The following PTPRT variants were observed in gnomAD, a reference collection of about 807,000 sequenced individuals.
PTPRT encodes the protein receptor-type tyrosine-protein phosphatase T.
Under a neutral mutation model 176.8 loss-of-function variants are expected in PTPRT, and 56 were observed. The observed-to-expected ratio is 0.32, with a 90% CI of 0.26 to 0.40. The LOEUF (loss-of-function observed/expected upper bound fraction) is 0.40. Ranked by LOEUF, PTPRT falls within the 10% of genes least tolerant of loss-of-function variation. PTPRT has a pLI of 1.00. For synonymous variants in PTPRT, 783 were observed against 739.0 expected (o/e 1.06, Z -0.96); for missense variants, 1,540 against 1,908.2 (o/e 0.81, Z 3.60).
At chr20:43,156,301 G>A (rs533132724) in intron 1 of PTPRT, among the ~76,000 whole-genome samples, 2 of 152,272 alleles carry the variant, frequency 1.3e-5, no homozygotes, top group African/African-American at 2.4e-5. Context: ...GCATCAGAGG[G>A]GCCTTAGCAA....
chr20:43,008,158 C>T (rs955509087), intron 1 of PTPRT, among the ~76,000 whole-genome samples: 8 of 152,084 alleles, frequency 5.3e-5, no homozygotes, highest in East Asian at 1.9e-4. Context: ...TCTAACCCCA[C>T]GAGGTAAGAG....
chr20:42,207,071 A>T (rs1228481620), intron 15 of PTPRT, among the ~76,000 whole-genome samples: 1 of 152,158 alleles, frequency 6.6e-6, no homozygotes, highest in Non-Finnish European at 1.5e-5. Flanking sequence ...ACAGACCTGC[A>T]GCTGAGGGTC....
At chr20:43,020,126 A>G (rs1287994303) in intron 1 of PTPRT, among the ~76,000 whole-genome samples, 1 of 132,448 alleles carries the variant, frequency 7.6e-6, no homozygotes, top group Non-Finnish European at 1.5e-5. Context: ...ATATATATAT[A>G]TACATATGCA....
At chr20:42,578,304 T>C (rs1040783855) in intron 7 of PTPRT, among the ~76,000 whole-genome samples, 19 of 152,070 alleles carry the variant, frequency 1.2e-4, no homozygotes, top group African/African-American at 4.6e-4. Context: ...CAGTGCAGGG[T>C]AAATGGAGAA....
At chr20:42,490,677 T>G (rs2071547095) in intron 7 of PTPRT, among the ~76,000 whole-genome samples, 1 of 152,092 alleles carries the variant, frequency 6.6e-6, no homozygotes, top group African/African-American at 2.4e-5. Context: ...TCCTCATACA[T>G]CTTATTTCTT....
At chr20:42,353,448 G>T (rs1480308868) in intron 9 of PTPRT, among the ~76,000 whole-genome samples, 1 of 152,156 alleles carries the variant, frequency 6.6e-6, no homozygotes, top group Non-Finnish European at 1.5e-5. Context: ...TTTGTCTATG[G>T]TATATGAAGA....
At chr20:43,073,482 C>A (rs971416977) in intron 1 of PTPRT, among the ~76,000 whole-genome samples, 1 of 150,160 alleles carries the variant, frequency 6.7e-6, no homozygotes, top group African/African-American at 2.4e-5. Context: ...TATATATATA[C>A]ACACACACAC....
rs369292140 is a variant in PTPRT, at chr20:42,242,835, T to G, written c.2312+5852A>C. Among the ~76,000 whole-genome samples, 22 of 152,198 alleles carry G rather than the reference T, an allele frequency of 1.4e-4. No homozygotes were observed. In the South Asian group the frequency reaches 4.6e-3, roughly 32 times the overall value. On this transcript the variant is annotated intron_variant, in intron 14 of 30. Transcript: ENST00000373187. ...ACTTCCACCTCATGAACCATGGCTA[T>G]GGAGAAGAAGCCATTGAAGGGTTTC...
At chr20:42,712,045 T>G (rs552772153) in intron 6 of PTPRT, among the ~76,000 whole-genome samples, 3 of 152,220 alleles carry the variant, frequency 2.0e-5, no homozygotes, top group Admixed American at 6.5e-5. Context: ...AGAATCCCAC[T>G]TTAAAATGAG....
intron 5 of PTPRT, among the ~76,000 whole-genome samples, chr20:42,767,669 A>G (rs771092271): frequency 1.0e-4 from 15 of 147,390 alleles, no homozygotes; most frequent in Non-Finnish European, 1.9e-4. Context: ...ATACTTACAT[A>G]TAAATATTTT....
Position 42,135,333 on chromosome 20 carries a change from C to T in PTPRT, c.2771-6503G>A, listed in dbSNP as rs141526869. Among the ~76,000 whole-genome samples the T allele has an allele frequency of 2.4e-3, 367 of 152,354 alleles. 3 individuals are homozygous for T. The highest frequency in any genetic ancestry group is 8.5e-3 in the African/African-American group (354 of 41,578). ...CCTGGTATGTTGTAAGAAATTAACA[C>T]AACTATATAAATTCAGTTTTGTTTT... On this transcript the variant is annotated intron_variant, in intron 18 of 30. Transcript: ENST00000373187.
At chr20:42,423,201 A>AG in intron 9 of PTPRT, among the ~76,000 whole-genome samples, 1 of 147,194 alleles carries the variant, frequency 6.8e-6, no homozygotes, top group African/African-American at 2.5e-5. Context: ...AAAAAAAAAA[A>AG]GGAAGAGAAA....
chr20:43,023,001 T>C (rs184705099), intron 1 of PTPRT, among the ~76,000 whole-genome samples: 1 of 152,206 alleles, frequency 6.6e-6, no homozygotes, highest in Non-Finnish European at 1.5e-5. Context: ...AAGGCCCTCA[T>C]AGCAAGGGCA....
chr20:42,546,730 G>C (rs939848089), intron 7 of PTPRT, among the ~76,000 whole-genome samples: 6 of 152,056 alleles, frequency 3.9e-5, no homozygotes, highest in African/African-American at 1.4e-4. Flanking sequence ...TAATTAATTG[G>C]CCTAATTTCA....
rs877431 is a variant in PTPRT at position 42,077,655 on chromosome 20, T to C, written c.*3224A>G. The C allele has an allele frequency of 0.25, 54,808 of 218,748 alleles. 7,747 individuals carry two copies. The highest frequency in any genetic ancestry group is 0.31 in the Non-Finnish European group (33,920 of 108,880). 13.6% of individuals were successfully genotyped at this position (218,748 alleles called of 1,614,324 possible). A position where few individuals can be genotyped will look rare whatever the true frequency, so the allele number is the denominator to read the frequency against. On this transcript the variant is annotated 3_prime_UTR_variant, in exon 31 of 31. Transcript: ENST00000373187. The stretch of plus-strand genomic sequence containing the variant: ...CTTGTCCCATGGGATCTTAGGGAAG[T>C]CATCCCCATCCATAAGCCTCAATTT...
intron 17 of PTPRT, among the ~76,000 whole-genome samples, chr20:42,160,119 G>A (rs1032359864): frequency 2.0e-5 from 3 of 151,752 alleles, no homozygotes; most frequent in African/African-American, 7.3e-5. Flanking sequence ...CATAGCTGGG[G>A]CACACGCTGC....
At chr20:42,656,320 T>C (rs1183271031) in intron 7 of PTPRT, among the ~76,000 whole-genome samples, 2 of 152,020 alleles carry the variant, frequency 1.3e-5, no homozygotes, top group East Asian at 1.9e-4. Flanking sequence ...AAAGGAAAGA[T>C]AAGAGCCTGC....
chr20:42,630,702 A>C (rs151260960), intron 7 of PTPRT, among the ~76,000 whole-genome samples: 1 of 152,308 alleles, frequency 6.6e-6, no homozygotes, highest in East Asian at 1.9e-4. Context: ...ATACACAGGG[A>C]AAGAAACAGA....
At chr20:42,737,357 A>G (rs1387967938) in intron 6 of PTPRT, among the ~76,000 whole-genome samples, 2 of 152,196 alleles carry the variant, frequency 1.3e-5, no homozygotes, top group Non-Finnish European at 2.9e-5. Flanking sequence ...TGGGCTGGGC[A>G]TGGTGGCTCA....
Sources: gnomAD v4.1 joint callset for allele counts (sites outside exome capture counted in the v4.1 genomes callset) on GRCh38, gnomAD v4.1.1 for gene constraint, MANE v1.5 for transcripts, NCBI Gene and HGNC (gene_info 2026-07-23, HGNC 2026-07-21) for gene names.